The following PLD5 variants were observed in gnomAD, a reference collection of about 807,000 sequenced individuals.
The protein encoded by PLD5 is inactive phospholipase D5.
Under a neutral mutation model 61.1 loss-of-function variants are expected in PLD5, and 36 were observed. The observed-to-expected ratio is 0.59, with a 90% CI of 0.45 to 0.78. PLD5 has a LOEUF of 0.78. Ranked by LOEUF, PLD5 falls within the 30% of genes least tolerant of loss-of-function variation. PLD5 has a pLI of 0.00. For synonymous variants in PLD5, 243 were observed against 242.8 expected (o/e 1.00, Z -0.01); for missense variants, 515 against 644.4 (o/e 0.80, Z 2.17).
chr1:242,311,537 C>A (rs1676697911), intron 2 of PLD5, among the ~76,000 whole-genome samples: 1 of 152,170 alleles, frequency 6.6e-6, no homozygotes, highest in Non-Finnish European at 1.5e-5. Flanking sequence ...GGGTTCAAGT[C>A]CACCTTTTCT....
intron 5 of PLD5, among the ~76,000 whole-genome samples, chr1:242,135,417 C>T (rs1663639069): frequency 6.6e-6 from 1 of 152,208 alleles, no homozygotes; most frequent in South Asian, 2.1e-4. Flanking sequence ...CATGCAGTGA[C>T]CTGCTGCACC....
At chr1:242,320,471 C>T (rs546360367) in intron 2 of PLD5, among the ~76,000 whole-genome samples, 13 of 152,246 alleles carry the variant, frequency 8.5e-5, no homozygotes, top group African/African-American at 2.6e-4. Context: ...CAGAGCCCTG[C>T]GGGGCTGCAT....
rs1175193785 is a variant in PLD5 at position 242,256,907 on chromosome 1, TC to T, written c.607+8429del. 3.9e-5 allele frequency among the ~76,000 whole-genome samples: 4 copies of T among 102,384 alleles called. No individual in the cohort carries two copies. Among genetic ancestry groups the T allele is most frequent in the Non-Finnish European group, 7.3e-5 (4 of 54,898 alleles). 67.2% of individuals were successfully genotyped at this position (102,384 alleles called of 152,430 possible). ...CTCCCTCTTCTTTCTCTTTCTTTTT[TC>T]ATCTATCTATCTATCTATCTATCTA... On this transcript the variant is annotated intron_variant, in intron 4 of 9. Transcript: ENST00000536534. The surrounding 1 kb of genome is among the most constrained non-coding windows in gnomAD (Gnocchi z 5.7).
chr1:242,427,312 A>G (rs1665486521), intron 1 of PLD5, among the ~76,000 whole-genome samples: 1 of 152,234 alleles, frequency 6.6e-6, no homozygotes, highest in Non-Finnish European at 1.5e-5. Context: ...GTAATATTTT[A>G]CTAATAACAA....
At chr1:242,122,595 A>T (rs1052964972) in intron 6 of PLD5, among the ~76,000 whole-genome samples, 2 of 152,116 alleles carry the variant, frequency 1.3e-5, no homozygotes, top group African/African-American at 4.8e-5. Flanking sequence ...GGTCATCTTG[A>T]GATGAATTGA....
At chr1:242,289,887 C>G (rs1675259377) in intron 2 of PLD5, among the ~76,000 whole-genome samples, 1 of 151,636 alleles carries the variant, frequency 6.6e-6, no homozygotes, top group Non-Finnish European at 1.5e-5. Context: ...GAAACAAAAA[C>G]AATACTGCTA....
In PLD5 at chr1:242,320,335, A is replaced by G. The variant is rs868242452; in HGVS notation, c.326+27771T>C. Among the ~76,000 whole-genome samples, 6 of 152,320 alleles carry G rather than the reference A, an allele frequency of 3.9e-5. No individual in the cohort carries two copies. In the South Asian group the frequency reaches 1.2e-3, roughly 32 times the overall value. Reference sequence around the variant, plus strand: ...CTGACCACATTTTAAATATAAGCTTATGCATAAGCCTCCTGATGAAAATGG... The same window carrying G: ...CTGACCACATTTTAAATATAAGCTTGTGCATAAGCCTCCTGATGAAAATGG... On this transcript the variant is annotated intron_variant, in intron 2 of 9. Transcript: ENST00000536534.
intron 5 of PLD5, among the ~76,000 whole-genome samples, chr1:242,189,669 C>T (rs943242409): frequency 6.6e-6 from 1 of 152,144 alleles, no homozygotes; most frequent in Non-Finnish European, 1.5e-5. Context: ...TAACTTCAGG[C>T]ACAGACACAT....
intron 5 of PLD5, among the ~76,000 whole-genome samples, chr1:242,168,932 G>C (rs1013238170): frequency 1.5e-5 from 2 of 133,558 alleles, no homozygotes; most frequent in Non-Finnish European, 3.1e-5. Flanking sequence ...TACTTATAAA[G>C]ACAAAGAAAA....
intron 2 of PLD5, among the ~76,000 whole-genome samples, chr1:242,344,602 G>C (rs1660024685): frequency 6.6e-6 from 1 of 152,176 alleles, no homozygotes; most frequent in East Asian, 1.9e-4. Flanking sequence ...TGAGTTTCCT[G>C]ATGCTTTGGC....
intron 2 of PLD5, among the ~76,000 whole-genome samples, chr1:242,320,263 C>G (rs1218768009): frequency 1.6e-4 from 25 of 152,176 alleles, no homozygotes; most frequent in African/African-American, 6.0e-4. Flanking sequence ...TTATGTTGAA[C>G]AGTGCAACAT....
chr1:242,147,908 A>G (rs925611365), intron 5 of PLD5, among the ~76,000 whole-genome samples: 1 of 152,144 alleles, frequency 6.6e-6, no homozygotes, highest in Non-Finnish European at 1.5e-5. Flanking sequence ...AATCTTACAT[A>G]TTCTGGATAC....
chr1:242,163,399 T>G (rs1666036744), intron 5 of PLD5, among the ~76,000 whole-genome samples: 1 of 151,978 alleles, frequency 6.6e-6, no homozygotes, highest in Non-Finnish European at 1.5e-5. Context: ...TGCCTCGGCC[T>G]CCCAAAGTGC....
intron 1 of PLD5, among the ~76,000 whole-genome samples, chr1:242,509,671 A>G (rs1668842163): frequency 6.6e-6 from 1 of 152,126 alleles, no homozygotes; most frequent in South Asian, 2.1e-4. Context: ...TTATTACCTC[A>G]TTTTGTAACA....
chr1:242,144,401 G>A (rs71648686), intron 5 of PLD5, among the ~76,000 whole-genome samples: 16,945 of 152,218 alleles, frequency 0.11, 1,041 homozygotes, highest in South Asian at 0.21. Context: ...TAGAAGCAGA[G>A]TGTGGAAGAG....
intron 5 of PLD5, among the ~76,000 whole-genome samples, chr1:242,141,578 G>A (rs571171970): frequency 6.6e-6 from 1 of 152,264 alleles, no homozygotes; most frequent in Admixed American, 6.5e-5. Context: ...TCCCTAAAGA[G>A]GATATTTTCA....
At chr1:242,129,295 G>A (rs1663050289) in intron 5 of PLD5, among the ~76,000 whole-genome samples, 1 of 152,184 alleles carries the variant, frequency 6.6e-6, no homozygotes, top group Non-Finnish European at 1.5e-5. Context: ...AGGACCTGGA[G>A]TCAAGGCAAG....
chr1:242,355,504 C>T (rs1256387395), intron 1 of PLD5, among the ~76,000 whole-genome samples: 1 of 151,828 alleles, frequency 6.6e-6, no homozygotes, highest in Admixed American at 6.6e-5. Context: ...TCTTCTTAGT[C>T]CAGCTAAAGG....
intron 1 of PLD5, among the ~76,000 whole-genome samples, chr1:242,428,357 C>A (rs563674709): frequency 5.3e-5 from 8 of 152,230 alleles, no homozygotes; most frequent in African/African-American, 1.9e-4. Flanking sequence ...AATATTTATC[C>A]TCTGGCTAGA....
Sources: gnomAD v4.1 joint callset for allele counts (sites outside exome capture counted in the v4.1 genomes callset) on GRCh38, gnomAD v4.1.1 for gene constraint, Gnocchi (gnomAD v3.1) non-coding constraint, MANE v1.5 for transcripts, NCBI Gene and HGNC (gene_info 2026-07-23, HGNC 2026-07-21) for gene names.